INPP4B: variants seen among roughly 807,000 people sequenced by gnomAD.
INPP4B encodes inositol polyphosphate-4-phosphatase type II B.
INPP4B carries 55 observed loss-of-function variants against 122.5 expected under a neutral mutation model. The ratio of observed to expected loss-of-function variants is 0.45; its 90% CI spans 0.36 to 0.56. INPP4B has a LOEUF of 0.56. INPP4B is among the 20% of genes least tolerant of loss of function. The probability of loss-of-function intolerance (pLI) is 0.00; values close to 1 mark genes in which losing one functional copy is unlikely to be tolerated. For missense variants in INPP4B, 1,000 were observed against 1,097.7 expected (o/e 0.91, Z 1.26); for synonymous variants, 403 against 388.7 (o/e 1.04, Z -0.43).
At chr4:142,460,511 G>C (rs940238719) in intron 3 of INPP4B, among the ~76,000 whole-genome samples, 26 of 152,072 alleles carry the variant, frequency 1.7e-4, no homozygotes, top group Admixed American at 1.0e-3. Flanking sequence ...TTTCAATGTT[G>C]GTCTATTTTC....
intron 7 of INPP4B, among the ~76,000 whole-genome samples, chr4:142,401,056 G>A (rs973197913): frequency 6.6e-6 from 1 of 152,132 alleles, no homozygotes; most frequent in East Asian, 1.9e-4. Flanking sequence ...TCTTCGGACT[G>A]TTGGAGAATT....
intron 9 of INPP4B, chr4:142,287,038 T>C (rs1281211924): frequency 6.6e-6 from 1 of 152,236 alleles, no homozygotes; most frequent in Admixed American, 6.5e-5. Context: ...CTTCTTCTCA[T>C]AGATGAGTAT....
chr4:142,623,679 T>C (rs1745512597), intron 2 of INPP4B, among the ~76,000 whole-genome samples: 4 of 151,856 alleles, frequency 2.6e-5, no homozygotes, highest in Admixed American at 2.0e-4. Flanking sequence ...TAACTCATCA[T>C]TTAGCATTAG....
chr4:142,478,501 T>G (rs1820091798), intron 2 of INPP4B, among the ~76,000 whole-genome samples: 1 of 152,220 alleles, frequency 6.6e-6, no homozygotes, highest in Admixed American at 6.5e-5. Flanking sequence ...TGTAAATGGA[T>G]GCTGAATTTT....
intron 7 of INPP4B, among the ~76,000 whole-genome samples, chr4:142,374,812 G>A (rs1007273414): frequency 2.6e-5 from 4 of 151,686 alleles, no homozygotes; most frequent in African/African-American, 4.8e-5. Context: ...TCTAAGAGAG[G>A]CATTTTATTA....
chr4:142,672,100 T>A (rs1036233276), intron 2 of INPP4B, among the ~76,000 whole-genome samples: 1 of 152,204 alleles, frequency 6.6e-6, no homozygotes, highest in Non-Finnish European at 1.5e-5. Context: ...AGTATTCCAT[T>A]GTTTGAAAGT....
chr4:142,390,465 A>G (rs1424938270), intron 7 of INPP4B, among the ~76,000 whole-genome samples: 1 of 152,124 alleles, frequency 6.6e-6, no homozygotes, highest in Non-Finnish European at 1.5e-5. Context: ...AGTGTTTTAA[A>G]CCTTTAACAT....
chr4:142,259,284 G>A (rs191595482), intron 11 of INPP4B, among the ~76,000 whole-genome samples: 5,757 of 151,562 alleles, frequency 0.038, 355 homozygotes, highest in African/African-American at 0.13. Context: ...CAGTGCACCA[G>A]CATGGCACAT....
rs56346508 is a variant in INPP4B, at chr4:142,423,833, C to T, written c.136+5340G>A. On this transcript the variant is annotated intron_variant, in intron 5 of 25. Transcript: ENST00000262992. ...AGTTAATTTCCTATAAAAAAAAAAA[C>T]CTTTATGTATTTTTTATGTACTTAC... The T allele has an allele frequency of 6.2e-3, 2,705 of 433,244 alleles. 62 individuals carry two copies. The highest frequency in any genetic ancestry group is 0.052 in the African/African-American group (2,462 of 47,558). 26.8% of individuals were successfully genotyped at this position (433,244 alleles called of 1,614,324 possible).
chr4:142,134,175 CT>C (rs1324220527), intron 18 of INPP4B, among the ~76,000 whole-genome samples: 1 of 152,168 alleles, frequency 6.6e-6, no homozygotes, highest in Non-Finnish European at 1.5e-5. Context: ...TTAATATCAC[CT>C]TTAAAAACGT....
intron 11 of INPP4B, among the ~76,000 whole-genome samples, chr4:142,257,780 A>G (rs1441355954): frequency 6.6e-6 from 1 of 152,196 alleles, no homozygotes; most frequent in East Asian, 1.9e-4. Context: ...ATACTGCCCA[A>G]GGTAATTTAT....
At position 142,173,764 on chromosome 4, in the gene INPP4B, T is replaced by C. The variant is rs1826662730; in HGVS notation, c.1227A>G (p.Lys409=). The part of the protein sequence containing the change: ...FIYYSPENTA[K]AKEVLSNINQ... The stretch of plus-strand genomic sequence containing the variant: ...TGATGTTGCTGAGAACTTCCTTTGC[T>C]TTGGCTGTGTTTTCAGGTGAATAGT... Residue 409 remains lysine, a synonymous_variant, in exon 16 of 26, where the codon AAA becomes AAG. Transcript: ENST00000262992. 1.2e-6 allele frequency: 2 copies of C among 1,613,246 alleles called. No homozygotes were observed. Among genetic ancestry groups the C allele is most frequent in the Non-Finnish European group, 1.7e-6 (2 of 1,179,422 alleles).
chr4:142,422,354 A>G (rs950989551), intron 5 of INPP4B, among the ~76,000 whole-genome samples: 1 of 152,092 alleles, frequency 6.6e-6, no homozygotes, highest in African/African-American at 2.4e-5. Flanking sequence ...AATTCATGAC[A>G]TGCTGTTTGT....
intron 12 of INPP4B, among the ~76,000 whole-genome samples, chr4:142,236,543 G>T (rs545832855): frequency 6.6e-6 from 1 of 152,122 alleles, no homozygotes; most frequent in African/African-American, 2.4e-5. Flanking sequence ...GATTTCTCTG[G>T]TTTTATTATC....
chr4:142,064,937 AAC>A (rs1236691610), intron 25 of INPP4B, among the ~76,000 whole-genome samples: 7 of 152,190 alleles, frequency 4.6e-5, no homozygotes, highest in Admixed American at 2.0e-4. Flanking sequence ...TCATTTTGAA[AAC>A]ACACAAATTC....
At position 142,026,352 on chromosome 4, in the gene INPP4B, GT is replaced by G. The variant is rs1736996613; in HGVS notation, c.*2429del. ...TTCTTGATGAAATCCACTTTTAGAA[GT>G]TTGCACCAGTACAGGCTTTCTATAA... On this transcript the variant is annotated 3_prime_UTR_variant, in exon 26 of 26. Coordinates refer to ENST00000262992, the MANE Select transcript of INPP4B (RefSeq NM_001101669.3). 1 of 152,180 alleles carries G rather than the reference GT, an allele frequency of 6.6e-6. No individual in the cohort carries two copies. Among genetic ancestry groups the G allele is most frequent in the South Asian group, 2.1e-4 (1 of 4,826 alleles). 9.4% of individuals were successfully genotyped at this position (152,180 alleles called of 1,614,324 possible).
intron 2 of INPP4B, chr4:142,654,389 A>AAAAAAAAAC (rs1553983869): frequency 2.0e-5 from 3 of 148,520 alleles, no homozygotes; most frequent in African/African-American, 2.5e-5. Flanking sequence ...AAAAAAAAAA[A>AAAAAAAAAC]CATAAAATGA....
In INPP4B at chr4:142,725,253, TA is replaced by T. The variant is rs1580781816; in HGVS notation, c.-191+585del. Among the ~76,000 whole-genome samples, 3 of 152,168 alleles carry T rather than the reference TA, an allele frequency of 2.0e-5. No individual in the cohort carries two copies. The East Asian group carries it at 5.8e-4, about 29-fold the overall frequency. ...CATAGTGATTTGAAAATTTAGCAAC[TA>T]AATATGCATCTGTTAAGTATAATCA... On this transcript the variant is annotated intron_variant, in intron 2 of 25. Coordinates refer to ENST00000262992, the MANE Select transcript of INPP4B (RefSeq NM_001101669.3).
At chr4:142,491,528 A>G (rs1821874186) in intron 2 of INPP4B, among the ~76,000 whole-genome samples, 1 of 152,144 alleles carries the variant, frequency 6.6e-6, no homozygotes. Flanking sequence ...ATGGTGGCAC[A>G]CAGTGGCAAT....
Sources: allele counts gnomAD v4.1 joint callset (sites outside exome capture counted in the v4.1 genomes callset), GRCh38; gene constraint gnomAD v4.1.1; transcripts MANE v1.5; gene names NCBI Gene and HGNC (gene_info 2026-07-23, HGNC 2026-07-21).